Variants in DNAJC17 observed in about 807,000 individuals in gnomAD.
DNAJC17 encodes the protein dnaJ homolog subfamily C member 17.
Under a neutral mutation model 48.1 loss-of-function variants are expected in DNAJC17, and 35 were observed. The ratio of observed to expected loss-of-function variants is 0.73; its 90% CI spans 0.56 to 0.96. The LOEUF is 0.96. Among genes scored for constraint, DNAJC17 ranks in the 50% least tolerant of loss-of-function variants. The probability of loss-of-function intolerance (pLI) is 0.00; values close to 1 mark genes in which losing one functional copy is unlikely to be tolerated. For synonymous variants in DNAJC17, 117 were observed against 142.7 expected, an observed-to-expected ratio of 0.82 and a Z score of 1.28; for missense variants, 355 against 377.1, an observed-to-expected ratio of 0.94 and a Z score of 0.48.
chr15:40,781,932 A>AT (rs1209378440), intron 1 of DNAJC17, among the ~76,000 whole-genome samples: 25 of 151,720 alleles, frequency 1.6e-4, no homozygotes, highest in South Asian at 8.3e-4. Flanking sequence ...AAAAAAAAAA[A>AT]ATTTTTTTTT....
intron 6 of DNAJC17, among the ~76,000 whole-genome samples, chr15:40,775,901 A>T (rs916572636): frequency 6.6e-6 from 1 of 152,184 alleles, no homozygotes; most frequent in Non-Finnish European, 1.5e-5. Flanking sequence ...CTACGGGCAC[A>T]AAGTGTCCCA....
intron 1 of DNAJC17, among the ~76,000 whole-genome samples, chr15:40,784,099 C>T (rs187403071): frequency 4.2e-4 from 64 of 152,056 alleles, no homozygotes; most frequent in South Asian, 1.5e-3. Context: ...TGGTGGCACA[C>T]GCCTGTAGTC....
intron 1 of DNAJC17, among the ~76,000 whole-genome samples, chr15:40,804,354 G>T (rs1223995920): frequency 6.6e-6 from 1 of 151,522 alleles, no homozygotes; most frequent in Non-Finnish European, 1.5e-5. Flanking sequence ...CAGGCAGGAG[G>T]ATAGCTTGAA....
rs908615205 is a variant in DNAJC17, at chr15:40,765,587, T to C, written c.*2353A>G. On this transcript the variant is annotated 3_prime_UTR_variant, in exon 11 of 11. Transcript: ENST00000220496. ...AGTAGCTGGAACTATAGGCTCGTGA[T>C]ACTTTGCCTGGCTAAAGCTGAGCTT... is the stretch of plus-strand genomic sequence containing the variant. 7.2e-5 allele frequency: 24 copies of C among 332,812 alleles called. No individual in the cohort carries two copies. The highest frequency in any genetic ancestry group is 1.4e-4 in the South Asian group (1 of 7,324). The allele number at this position is 332,812 out of a possible 1,614,324, so 20.6% of individuals were successfully genotyped here.
chr15:40,775,681 G>T (rs557842485), intron 6 of DNAJC17, 85 bp from the exon 7 acceptor site: 41 of 1,406,880 alleles, frequency 2.9e-5, no homozygotes, highest in Non-Finnish European at 3.8e-5. Flanking sequence ...AGCAAGAAGG[G>T]TCTGGAAAGG....
chr15:40,800,679 A>G (rs1292217709), intron 1 of DNAJC17, among the ~76,000 whole-genome samples: 4 of 149,976 alleles, frequency 2.7e-5, no homozygotes, highest in South Asian at 4.2e-4. Context: ...TTCTTAGCAC[A>G]TAAGCCATTA....
intron 1 of DNAJC17, among the ~76,000 whole-genome samples, chr15:40,788,409 A>T (rs1181646325): frequency 6.6e-6 from 1 of 152,126 alleles, no homozygotes; most frequent in African/African-American, 2.4e-5. Context: ...AAAAAATTTA[A>T]AAATGGGCCG....
chr15:40,779,339 G>T (rs375473814), intron 3 of DNAJC17, 29 bp from the exon 4 acceptor site: 257 of 1,611,840 alleles, frequency 1.6e-4, no homozygotes, highest in Non-Finnish European at 2.0e-4. Flanking sequence ...ACAGGGCAGA[G>T]GGTCAGTGAG....
intron 6 of DNAJC17, 148 bp from the exon 7 acceptor site, chr15:40,775,744 G>T: frequency 1.2e-6 from 1 of 804,078 alleles, no homozygotes. Flanking sequence ...GGCCTGGTGG[G>T]GAAAGCAGAT....
chr15:40,795,149 C>G (rs1417890912), intron 1 of DNAJC17, among the ~76,000 whole-genome samples: 1 of 152,024 alleles, frequency 6.6e-6, no homozygotes, highest in African/African-American at 2.4e-5. Context: ...CAGTGGCTCA[C>G]GCCTGTGATC....
chr15:40,803,598 C>T (rs1041470053), intron 1 of DNAJC17, among the ~76,000 whole-genome samples: 1 of 152,210 alleles, frequency 6.6e-6, no homozygotes, highest in Admixed American at 6.5e-5. Context: ...CTCCACATGT[C>T]CAAACTCTGC....
chr15:40,802,749 C>T (rs1226260977), intron 1 of DNAJC17, among the ~76,000 whole-genome samples: 2 of 152,088 alleles, frequency 1.3e-5, no homozygotes, highest in African/African-American at 2.4e-5. Context: ...GCTGCAGTTT[C>T]GCCATCAGTA....
intron 1 of DNAJC17, chr15:40,780,399 G>C (rs1281038498): frequency 4.4e-6 from 2 of 453,930 alleles, no homozygotes; most frequent in Non-Finnish European, 8.8e-6. Flanking sequence ...CTTTCCCTTT[G>C]ACCCAAGTCC....
At chr15:40,779,340 G>C in intron 3 of DNAJC17, 30 bp from the exon 4 acceptor site, 1 of 1,611,422 alleles carries the variant, frequency 6.2e-7, no homozygotes, top group Non-Finnish European at 8.5e-7. Context: ...CAGGGCAGAG[G>C]GTCAGTGAGA....
rs1888985156 is a variant in DNAJC17 at position 40,767,764 on chromosome 15, T to C, written c.*176A>G. 1.1e-6 allele frequency: 1 copy of C among 897,784 alleles called. No homozygotes were observed. The highest frequency in any genetic ancestry group is 3.1e-5 in the Admixed American group (1 of 32,742). 55.6% of individuals were successfully genotyped at this position (897,784 alleles called of 1,614,324 possible). A position where few individuals can be genotyped will look rare whatever the true frequency, so the allele number is the denominator to read the frequency against. On this transcript the variant is annotated 3_prime_UTR_variant, in exon 11 of 11. Coordinates refer to ENST00000220496, the MANE Select transcript of DNAJC17 (RefSeq NM_018163.3). The stretch of plus-strand genomic sequence containing the variant: ...TCTGGGACTCTCACCCTGCGGAGCG[T>C]TTCCCTGGGGGTCTGCCCACTTCCT...
At position 40,770,254 on chromosome 15, in the gene DNAJC17, C is replaced by A; in HGVS notation, c.793-2192G>T. 1.8e-6 allele frequency: 1 copy of A among 559,998 alleles called. No homozygotes were observed. The highest frequency in any genetic ancestry group is 2.3e-5 in the South Asian group (1 of 42,994). The allele number at this position is 559,998 out of a possible 1,614,324, so 34.7% of individuals were successfully genotyped here. On this transcript the variant is annotated intron_variant, in intron 10 of 10. Transcript: ENST00000220496. The surrounding 1 kb of genome is among the most constrained non-coding windows in gnomAD (Gnocchi z 5.0). ...TATTCAGTAACCAGGCCACTCCTGT[C>A]CCTGTGGGAAACTCTTGCTGCCAGG... is the stretch of plus-strand genomic sequence containing the variant.
intron 8 of DNAJC17, among the ~76,000 whole-genome samples, chr15:40,774,732 C>T (rs528262207): frequency 4.1e-4 from 62 of 152,344 alleles, no homozygotes; most frequent in East Asian, 1.9e-3. Flanking sequence ...ACGGGGCTTT[C>T]GTGCCAGATA....
chr15:40,775,267 T>C lies in DNAJC17; in HGVS notation c.523-159A>G. Reference sequence around the variant, plus strand: ...CAGAAACATTTTCCCCTTGGGAACTTGAAGGCAGGATGGCCTGCTCACCCC... The same window carrying C: ...CAGAAACATTTTCCCCTTGGGAACTCGAAGGCAGGATGGCCTGCTCACCCC... On this transcript the variant is annotated intron_variant, in intron 7 of 10. Transcript: ENST00000220496. 7.0e-6 allele frequency: 6 copies of C among 853,314 alleles called. No homozygotes were observed. In the South Asian group the frequency reaches 9.3e-5, roughly 13 times the overall value. The allele number at this position is 853,314 out of a possible 1,614,324, so 52.9% of individuals were successfully genotyped here.
At chr15:40,789,377 G>A (rs1889731799) in intron 1 of DNAJC17, among the ~76,000 whole-genome samples, 1 of 144,408 alleles carries the variant, frequency 6.9e-6, no homozygotes, top group African/African-American at 2.6e-5. Flanking sequence ...CTCCTATCCT[G>A]CTCTCCTCGG....
Sources: gnomAD v4.1 joint callset for allele counts (sites outside exome capture counted in the v4.1 genomes callset) on GRCh38, gnomAD v4.1.1 for gene constraint, Gnocchi (gnomAD v3.1) non-coding constraint, MANE v1.5 for transcripts, NCBI Gene and HGNC (gene_info 2026-07-23, HGNC 2026-07-21) for gene names.